The following PCDHGA7 variants were observed in gnomAD, a reference collection of about 807,000 sequenced individuals.
PCDHGA7 encodes protocadherin gamma subfamily A, 7, also known as protocadherin gamma-A7.
Under a neutral mutation model 58.3 loss-of-function variants are expected in PCDHGA7, and 44 were observed. The ratio of observed to expected loss-of-function variants is 0.75; its 90% CI spans 0.59 to 0.97. The LOEUF is 0.97. Among genes scored for constraint, PCDHGA7 ranks in the 50% least tolerant of loss-of-function variants. The pLI is 0.00. For synonymous variants in PCDHGA7, 516 were observed against 504.2 expected (o/e 1.02, Z -0.31); for missense variants, 1,266 against 1,188.7 (o/e 1.06, Z -0.96).
intron 1 of PCDHGA7, chr5:141,441,346 G>A (rs1265971154): frequency 2.0e-5 from 3 of 152,340 alleles, no homozygotes; most frequent in African/African-American, 7.2e-5. Context: ...TTAACTACAT[G>A]CTTGTAACAA....
Position 141,431,205 on chromosome 5 carries a change from A to T in PCDHGA7, c.2424+45882A>T, listed in dbSNP as rs1438031040. ...AAAATTAGTGAAAATGCAGCCACTG[A>T]GATGCGGTTCCCTCTACCCCACGCC... On this transcript the variant is annotated intron_variant, in intron 1 of 3. Transcript: ENST00000518325. This position sits in a 1 kb window ranked among gnomAD's most constrained non-coding sequence, Gnocchi z 4.8. 1.1e-5 allele frequency: 18 copies of T among 1,614,092 alleles called. No homozygotes were observed. Among genetic ancestry groups the T allele is most frequent in the Non-Finnish European group, 1.5e-5 (18 of 1,180,056 alleles).
At chr5:141,436,439 A>G (rs1481744238) in intron 1 of PCDHGA7, among the ~76,000 whole-genome samples, 5 of 152,208 alleles carry the variant, frequency 3.3e-5, no homozygotes, top group African/African-American at 1.2e-4. Flanking sequence ...TCTGGGGATT[A>G]CCTGATACCA....
intron 1 of PCDHGA7, chr5:141,417,728 T>A: frequency 7.3e-7 from 1 of 1,373,610 alleles, no homozygotes; most frequent in Non-Finnish European, 9.6e-7. Flanking sequence ...GCGCAGACCT[T>A]GCCCAGCACA....
Position 141,485,086 on chromosome 5 carries a change from A to T in PCDHGA7, c.2425-9721A>T. 1.0e-6 allele frequency: 1 copy of T among 999,576 alleles called. No individual in the cohort carries two copies. Among genetic ancestry groups the T allele is most frequent in the Non-Finnish European group, 1.5e-6 (1 of 651,740 alleles). 61.9% of individuals were successfully genotyped at this position (999,576 alleles called of 1,614,324 possible). A position where few individuals can be genotyped will look rare whatever the true frequency, so the allele number is the denominator to read the frequency against. On this transcript the variant is annotated intron_variant, in intron 1 of 3. Transcript: ENST00000518325. The surrounding 1 kb of genome is among the most constrained non-coding windows in gnomAD (Gnocchi z 5.7). The stretch of plus-strand genomic sequence containing the variant: ...CCAGAGCTGGCGCGGGGAAAGGGAG[A>T]TAGGTGTCTCCAGCTGCTGTGGCTG...
chr5:141,393,972 C>T, intron 1 of PCDHGA7: 1 of 1,613,790 alleles, frequency 6.2e-7, no homozygotes, highest in Non-Finnish European at 8.5e-7. Flanking sequence ...CTGTTACACA[C>T]GTGATAATTT....
intron 1 of PCDHGA7, chr5:141,427,831 G>A (rs2097077070): frequency 6.5e-7 from 1 of 1,539,366 alleles, no homozygotes; most frequent in East Asian, 2.2e-5. Context: ...GTCGCGCAGC[G>A]TGCCTTCGAC....
At chr5:141,463,629 GTT>G (rs923584581) in intron 1 of PCDHGA7, among the ~76,000 whole-genome samples, 5 of 151,314 alleles carry the variant, frequency 3.3e-5, no homozygotes, top group Middle Eastern at 3.4e-3. Flanking sequence ...TTTGTATTTT[GTT>G]TAGTAGAGAC....
chr5:141,468,939 G>A (rs2099186103), intron 1 of PCDHGA7, among the ~76,000 whole-genome samples: 1 of 144,350 alleles, frequency 6.9e-6, no homozygotes, highest in Non-Finnish European at 1.5e-5. Context: ...ATGGGAGATG[G>A]GGTAAACCTG....
At chr5:141,413,396 G>A in intron 1 of PCDHGA7, 1 of 1,614,060 alleles carries the variant, frequency 6.2e-7, no homozygotes, top group Non-Finnish European at 8.5e-7. Flanking sequence ...GTCTCCAGAG[G>A]TAGGACGCAG....
chr5:141,487,616 G>A lies in PCDHGA7; in HGVS notation c.2425-7191G>A. On this transcript the variant is annotated intron_variant, in intron 1 of 3. Transcript: ENST00000518325. This position sits in a 1 kb window ranked among gnomAD's most constrained non-coding sequence, Gnocchi z 5.0. ...CTCTGATCTTCTCTATGGGCTAGAG[G>A]TGAGACCTTTGCAGGCTCAACAAAT... 2 of 1,614,220 alleles carry A rather than the reference G, an allele frequency of 1.2e-6. No homozygotes were observed. The highest frequency in any genetic ancestry group is 1.7e-6 in the Non-Finnish European group (2 of 1,180,044).
chr5:141,494,764 T>A (rs773955144), intron 1 of PCDHGA7, 43 bp from the exon 2 acceptor site: 1 of 1,613,932 alleles, frequency 6.2e-7, no homozygotes, highest in Non-Finnish European at 8.5e-7. Context: ...ACATTCTAAC[T>A]TCTCACGGGT....
At chr5:141,403,251 C>G (rs1276332038) in intron 1 of PCDHGA7, 41 of 1,613,756 alleles carry the variant, frequency 2.5e-5, no homozygotes, top group Non-Finnish European at 3.4e-5. Context: ...GCTCAGAGCC[C>G]GCGGTGTCTG....
At chr5:141,400,415 T>C (rs1054517262) in intron 1 of PCDHGA7, 16 of 1,614,080 alleles carry the variant, frequency 9.9e-6, no homozygotes, top group Non-Finnish European at 1.3e-5. Flanking sequence ...TTTAATTTCC[T>C]AAAATGTAGT....
At chr5:141,413,385 A>G (rs1328460811) in intron 1 of PCDHGA7, 23 of 1,613,870 alleles carry the variant, frequency 1.4e-5, no homozygotes, top group Non-Finnish European at 1.8e-5. Flanking sequence ...GAGTCCGCAT[A>G]GTCTCCAGAG....
At chr5:141,415,859 T>C in intron 1 of PCDHGA7, 1 of 1,187,664 alleles carries the variant, frequency 8.4e-7, no homozygotes, top group Non-Finnish European at 1.1e-6. Context: ...CCTTGTAGTT[T>C]ATAGTGTTGT....
chr5:141,488,677 G>A (rs2099678276), intron 1 of PCDHGA7, among the ~76,000 whole-genome samples: 2 of 152,184 alleles, frequency 1.3e-5, no homozygotes, highest in African/African-American at 2.4e-5. Context: ...CATGGGCTTT[G>A]CCTCTCCCAG....
intron 1 of PCDHGA7, chr5:141,414,557 A>C: frequency 6.2e-7 from 1 of 1,613,906 alleles, no homozygotes. Flanking sequence ...CAAGTCTCCT[A>C]CTTTACCTAT....
chr5:141,446,850 C>T (rs1027473189), intron 1 of PCDHGA7, among the ~76,000 whole-genome samples: 2 of 152,114 alleles, frequency 1.3e-5, no homozygotes, highest in Non-Finnish European at 2.9e-5. Flanking sequence ...GCATAATAAG[C>T]TTCCTGATAG....
At chr5:141,399,279 C>T (rs370090713) in intron 1 of PCDHGA7, 76 of 1,613,576 alleles carry the variant, frequency 4.7e-5, no homozygotes, top group Non-Finnish European at 5.0e-5. Flanking sequence ...AATTACAAGG[C>T]GAAGTCCCTT....
Sources: gnomAD v4.1 joint callset for allele counts (sites outside exome capture counted in the v4.1 genomes callset) on GRCh38, gnomAD v4.1.1 for gene constraint, Gnocchi (gnomAD v3.1) non-coding constraint, MANE v1.5 for transcripts, NCBI Gene and HGNC (gene_info 2026-07-23, HGNC 2026-07-21) for gene names.